CCSER1: variants seen among roughly 807,000 people sequenced by gnomAD.
The protein encoded by CCSER1 is coiled-coil serine rich protein 1, also known as serine-rich coiled-coil domain-containing protein 1.
Under a neutral mutation model 82.0 loss-of-function variants are expected in CCSER1, and 41 were observed. The ratio of observed to expected loss-of-function variants is 0.50; its 90% confidence interval spans 0.39 to 0.65. The LOEUF is 0.65. Ranked by LOEUF, CCSER1 falls within the 30% of genes least tolerant of loss-of-function variation. CCSER1 has a pLI of 0.00. For missense variants in CCSER1, 1,119 were observed against 1,064.2 expected, an observed-to-expected ratio of 1.05 and a Z score of -0.72; for synonymous variants, 414 against 383.9, an observed-to-expected ratio of 1.08 and a Z score of -0.92.
chr4:90,802,331 A>G (rs1336606232), intron 7 of CCSER1, among the ~76,000 whole-genome samples: 1 of 149,064 alleles, frequency 6.7e-6, no homozygotes, highest in African/African-American at 2.4e-5. Context: ...TGTGAATTTT[A>G]CCTCTAGTAA....
intron 10 of CCSER1, among the ~76,000 whole-genome samples, chr4:91,456,526 A>G (rs764528035): frequency 1.3e-5 from 2 of 152,042 alleles, no homozygotes; most frequent in African/African-American, 4.8e-5. Flanking sequence ...GTATTTTTCA[A>G]CTTGAAAGCC....
chr4:91,059,166 T>A (rs1743714646), intron 9 of CCSER1, among the ~76,000 whole-genome samples: 1 of 151,916 alleles, frequency 6.6e-6, no homozygotes, highest in Admixed American at 6.6e-5. Context: ...TTATTTTGTG[T>A]CACATTCTAA....
intron 9 of CCSER1, among the ~76,000 whole-genome samples, chr4:91,074,651 CTT>C (rs958638645): frequency 7.2e-5 from 11 of 152,306 alleles, no homozygotes; most frequent in African/African-American, 2.6e-4. Context: ...CAAACTGACA[CTT>C]ATAAATTAAG....
chr4:91,236,419 G>A (rs892762814), intron 10 of CCSER1, among the ~76,000 whole-genome samples: 2 of 151,548 alleles, frequency 1.3e-5, no homozygotes, highest in African/African-American at 4.9e-5. Flanking sequence ...GGAGGTGGAG[G>A]TTGCAGTGAG....
intron 5 of CCSER1, among the ~76,000 whole-genome samples, chr4:90,574,342 C>A (rs185057084): frequency 0.02 from 2,905 of 142,878 alleles, 109 homozygotes; most frequent in African/African-American, 0.067. Context: ...AATCTCGGCT[C>A]ACTGCAAGCT....
At chr4:90,377,120 C>A (rs1355567660) in intron 3 of CCSER1, among the ~76,000 whole-genome samples, 3 of 152,110 alleles carry the variant, frequency 2.0e-5, no homozygotes, top group Non-Finnish European at 1.5e-5. Context: ...TAGAAAAGTT[C>A]TTTGTGTCTG....
chr4:90,631,579 G>C (rs1269706176), intron 6 of CCSER1, among the ~76,000 whole-genome samples: 1 of 152,162 alleles, frequency 6.6e-6, no homozygotes, highest in Non-Finnish European at 1.5e-5. Flanking sequence ...TTAATGACTA[G>C]CGGCTAGAAG....
At chr4:91,474,840 T>C (rs963027801) in intron 10 of CCSER1, among the ~76,000 whole-genome samples, 4 of 144,488 alleles carry the variant, frequency 2.8e-5, no homozygotes, top group South Asian at 4.4e-4. Context: ...CACACACACA[T>C]TGCCTTCCAA....
intron 10 of CCSER1, among the ~76,000 whole-genome samples, chr4:91,136,994 G>C (rs11097302): frequency 0.73 from 110,566 of 151,586 alleles, 40,579 homozygotes; most frequent in Non-Finnish European, 0.78. Context: ...AGTGATTATA[G>C]AAATGTTTAT....
intron 10 of CCSER1, among the ~76,000 whole-genome samples, chr4:91,455,604 T>C (rs1276892061): frequency 6.6e-6 from 1 of 151,916 alleles, no homozygotes; most frequent in East Asian, 1.9e-4. Context: ...TAGATTTCTG[T>C]TTTTCATATA....
chr4:90,585,673 C>T (rs1001093253), intron 5 of CCSER1, among the ~76,000 whole-genome samples: 2 of 151,836 alleles, frequency 1.3e-5, no homozygotes, highest in African/African-American at 4.8e-5. Flanking sequence ...TCATTTAATG[C>T]TGGCTGATGA....
intron 7 of CCSER1, among the ~76,000 whole-genome samples, chr4:90,802,305 T>C (rs1756941625): frequency 6.7e-6 from 1 of 148,452 alleles, no homozygotes; most frequent in Admixed American, 6.7e-5. Flanking sequence ...ATATATAAAA[T>C]TCTGTGGGTA....
intron 9 of CCSER1, among the ~76,000 whole-genome samples, chr4:91,076,749 A>C (rs932912878): frequency 9.8e-5 from 15 of 152,330 alleles, no homozygotes; most frequent in East Asian, 3.9e-4. Context: ...AAAGGCTATG[A>C]TCTTCAAGAG....
At chr4:91,565,476 A>G (rs527564384) in intron 10 of CCSER1, among the ~76,000 whole-genome samples, 1 of 152,190 alleles carries the variant, frequency 6.6e-6, no homozygotes, top group African/African-American at 2.4e-5. Flanking sequence ...TTGAATCTGT[A>G]AATTGATTTA....
intron 3 of CCSER1, among the ~76,000 whole-genome samples, chr4:90,342,395 T>C (rs575039198): frequency 2.7e-4 from 41 of 152,148 alleles, no homozygotes; most frequent in Non-Finnish European, 5.4e-4. Flanking sequence ...CTGTTAAGTC[T>C]TCAGACATTG....
At chr4:90,725,850 G>A (rs536361976) in intron 7 of CCSER1, among the ~76,000 whole-genome samples, 1 of 151,816 alleles carries the variant, frequency 6.6e-6, no homozygotes, top group East Asian at 1.9e-4. Flanking sequence ...TAATTCAGAT[G>A]TATAAAACTT....
At chr4:90,393,772 CTTTTTTTTTTTT>C (rs997027362) in intron 3 of CCSER1, among the ~76,000 whole-genome samples, 6 of 111,360 alleles carry the variant, frequency 5.4e-5, no homozygotes, top group South Asian at 2.8e-4. Flanking sequence ...TTATATCTTC[CTTTTTTTTTTTT>C]TTTTTTTTTT....
intron 10 of CCSER1, among the ~76,000 whole-genome samples, chr4:91,360,675 T>G (rs1349824259): frequency 6.6e-6 from 1 of 151,662 alleles, no homozygotes; most frequent in Admixed American, 6.6e-5. Flanking sequence ...CAGTAACTGA[T>G]GTAGAAGAAG....
chr4:90,872,596 A>G (rs1300745559), intron 8 of CCSER1, among the ~76,000 whole-genome samples: 2 of 151,898 alleles, frequency 1.3e-5, no homozygotes, highest in African/African-American at 4.8e-5. Context: ...TGTAGTTATT[A>G]CTTTCGATTG....
Sources: allele counts gnomAD v4.1 joint callset (sites outside exome capture counted in the v4.1 genomes callset), GRCh38; gene constraint gnomAD v4.1.1; transcripts MANE v1.5; gene names NCBI Gene and HGNC (gene_info 2026-07-23, HGNC 2026-07-21).